The following MERTK variants were observed in gnomAD, a reference collection of about 807,000 sequenced individuals.
The protein encoded by MERTK is tyrosine-protein kinase Mer.
In MERTK, 69 loss-of-function variants were observed where a neutral mutation model predicts 99.3. The observed-to-expected ratio is 0.70, with a 90% confidence interval of 0.57 to 0.85. The LOEUF is 0.85. Ranked by LOEUF, MERTK falls within the 40% of genes least tolerant of loss-of-function variation. The pLI is 0.00. For synonymous variants in MERTK, 426 were observed against 467.6 expected (o/e 0.91, Z 1.15); for missense variants, 1,125 against 1,249.4 (o/e 0.90, Z 1.50).
At chr2:111,998,438 G>A (rs572193274) in intron 10 of MERTK, among the ~76,000 whole-genome samples, 1 of 152,172 alleles carries the variant, frequency 6.6e-6, no homozygotes, top group African/African-American at 2.4e-5. Context: ...TGGGCACTGC[G>A]GTAGCCTGGA....
intron 4 of MERTK, among the ~76,000 whole-genome samples, chr2:111,950,360 T>C (rs1481060453): frequency 6.6e-6 from 1 of 152,256 alleles, no homozygotes; most frequent in Non-Finnish European, 1.5e-5. Context: ...AAAGCAGCTA[T>C]GAATATTTGA....
chr2:111,955,459 G>A (rs890828148), intron 4 of MERTK, among the ~76,000 whole-genome samples: 1 of 152,114 alleles, frequency 6.6e-6, no homozygotes, highest in Non-Finnish European at 1.5e-5. Context: ...CTATAAGGGG[G>A]TAGAAGAGGG....
intron 7 of MERTK, among the ~76,000 whole-genome samples, chr2:111,981,494 A>G (rs539874981): frequency 7.9e-5 from 12 of 152,256 alleles, no homozygotes; most frequent in Non-Finnish European, 1.3e-4. Flanking sequence ...GACTCACTGC[A>G]ACCTCCATCT....
intron 1 of MERTK, among the ~76,000 whole-genome samples, chr2:111,900,417 A>G (rs1032745385): frequency 2.6e-5 from 4 of 152,010 alleles, no homozygotes; most frequent in Non-Finnish European, 5.9e-5. Flanking sequence ...TGCCAGCCCC[A>G]TTTTTCATAA....
At chr2:112,019,606 T>A in intron 16 of MERTK, 84 bp downstream of exon 16, 1 of 1,031,426 alleles carries the variant, frequency 9.7e-7, no homozygotes, top group Non-Finnish European at 1.5e-6. Flanking sequence ...CTGTTCCTGT[T>A]TAGATAGGCA....
chr2:111,901,908 G>T (rs1415663448), intron 1 of MERTK, among the ~76,000 whole-genome samples: 1 of 151,362 alleles, frequency 6.6e-6, no homozygotes, highest in South Asian at 2.1e-4. Context: ...TTTTGAGATA[G>T]AGTTTCACTC....
chr2:111,961,067 C>T (rs1486004901), intron 4 of MERTK, among the ~76,000 whole-genome samples: 2 of 151,580 alleles, frequency 1.3e-5, no homozygotes, highest in Non-Finnish European at 2.9e-5. Context: ...GTAGCAGTTT[C>T]ATGCCTCACT....
intron 15 of MERTK, among the ~76,000 whole-genome samples, chr2:112,017,848 G>T (rs1404719352): frequency 6.6e-6 from 1 of 152,158 alleles, no homozygotes; most frequent in African/African-American, 2.4e-5. Flanking sequence ...GGAAAGAGAA[G>T]TTGGGGTCAA....
At chr2:111,964,816 A>G (rs561659412) in intron 4 of MERTK, among the ~76,000 whole-genome samples, 2 of 152,218 alleles carry the variant, frequency 1.3e-5, no homozygotes, top group Non-Finnish European at 2.9e-5. Flanking sequence ...TATGCATAGC[A>G]TAGTGGCCCT....
At chr2:112,001,509 G>A (rs141931644) in intron 11 of MERTK, among the ~76,000 whole-genome samples, 1,670 of 152,276 alleles carry the variant, frequency 0.011, 22 homozygotes, top group Non-Finnish European at 0.011. Context: ...GGGTTAAAAG[G>A]ACTCACAATG....
chr2:111,944,899 T>C, intron 2 of MERTK, 61 bp from the exon 3 acceptor site: 1 of 1,381,676 alleles, frequency 7.2e-7, no homozygotes, highest in Non-Finnish European at 1.0e-6. Context: ...GAAGTTTCCA[T>C]CCTATAATAG....
chr2:112,001,193 T>A lies in MERTK; in HGVS notation c.1605-8T>A, dbSNP rs1676861652. 1 of 1,605,638 alleles carries A rather than the reference T, an allele frequency of 6.2e-7. No homozygotes were observed. Among genetic ancestry groups the A allele is most frequent in the Admixed American group, 1.7e-5 (1 of 59,990 alleles). On this transcript the variant is annotated splice_polypyrimidine_tract_variant and splice_region_variant and intron_variant, in intron 10 of 18. Coordinates refer to ENST00000295408, the MANE Select transcript of MERTK (RefSeq NM_006343.3). ...TATAGTGAAGTATCTTTGTTTTCAT[T>A]CACCCAGGAATGCATTCACAGAGGA...
chr2:111,961,206 G>C (rs1685244124), intron 4 of MERTK, among the ~76,000 whole-genome samples: 1 of 137,572 alleles, frequency 7.3e-6, no homozygotes, highest in Non-Finnish European at 1.5e-5. Flanking sequence ...CTGTCGCCCA[G>C]GCTGGAGTGC....
At chr2:111,924,217 CAT>C (rs1296349258) in intron 1 of MERTK, among the ~76,000 whole-genome samples, 1 of 152,204 alleles carries the variant, frequency 6.6e-6, no homozygotes, top group Non-Finnish European at 1.5e-5. Context: ...TAATAGCTAA[CAT>C]TGAGTGCTTA....
Position 112,021,496 on chromosome 2 carries a change from G to A in MERTK, c.2264G>A (p.Arg755His), listed in dbSNP as rs751840057. 24 of 1,613,776 alleles carry A rather than the reference G, an allele frequency of 1.5e-5. 1 individual carries two copies. Among genetic ancestry groups the A allele is most frequent in the South Asian group, 8.8e-5 (8 of 91,072 alleles). Residue 755 changes from arginine to histidine, a missense_variant, in exon 17 of 19, where the codon CGC (arginine) becomes CAC (histidine). Arg to His is a conservative substitution (Grantham distance 29). Coordinates refer to ENST00000295408, the MANE Select transcript of MERTK (RefSeq NM_006343.3). ...AAGATTTACAGTGGCGATTATTACC[G>A]CCAAGGCCGCATTGCTAAGATGCCT... is the stretch of plus-strand genomic sequence containing the variant. ...SKKIYSGDYY[R>H]QGRIAKMPVK...
intron 1 of MERTK, among the ~76,000 whole-genome samples, chr2:111,902,503 C>A (rs1684062192): frequency 6.6e-6 from 1 of 152,176 alleles, no homozygotes; most frequent in African/African-American, 2.4e-5. Flanking sequence ...CATTTCCATT[C>A]ACTTCCCTCT....
chr2:112,028,528 C>T lies in MERTK; in HGVS notation c.2664C>T (p.Ser888=). ...LESSEGLAQG[S]TLAPLDLNID... ...GCTCTGAGGGCCTGGCCCAGGGCTC[C>T]ACCCTTGCTCCACTGGACTTGAACA... is the stretch of plus-strand genomic sequence containing the variant. The change falls in exon 19 of 19, where the codon TCC becomes TCT. Residue 888 remains serine (S), a synonymous_variant. Transcript: ENST00000295408. 6.2e-7 allele frequency: 1 copy of T among 1,614,180 alleles called. No homozygotes were observed. The highest frequency in any genetic ancestry group is 1.3e-5 in the African/African-American group (1 of 75,026).
At chr2:111,980,072 G>A (rs751681286) in intron 7 of MERTK, among the ~76,000 whole-genome samples, 3 of 152,142 alleles carry the variant, frequency 2.0e-5, no homozygotes, top group African/African-American at 7.2e-5. Flanking sequence ...ATCTAGATAC[G>A]ATACCCCCCA....
chr2:111,914,743 A>G (rs1452543493), intron 1 of MERTK, among the ~76,000 whole-genome samples: 1 of 152,212 alleles, frequency 6.6e-6, no homozygotes, highest in Non-Finnish European at 1.5e-5. Context: ...CATGGCATAA[A>G]TTCCACTTGA....
Sources: allele counts gnomAD v4.1 joint callset (sites outside exome capture counted in the v4.1 genomes callset), GRCh38; gene constraint gnomAD v4.1.1; transcripts MANE v1.5; gene names NCBI Gene and HGNC (gene_info 2026-07-23, HGNC 2026-07-21).